Variants in THUMPD1 observed in about 807,000 individuals in gnomAD.
THUMPD1 encodes the protein THUMP domain-containing protein 1.
THUMPD1 carries 31 observed loss-of-function variants against 31.6 expected under a neutral mutation model. The ratio of observed to expected loss-of-function variants is 0.98; its 90% confidence interval spans 0.74 to 1.32. The LOEUF is 1.32. THUMPD1 is among the 40% of genes most tolerant of loss of function. The probability of loss-of-function intolerance (pLI) is 0.00; values close to 1 mark genes in which losing one functional copy is unlikely to be tolerated. For missense variants in THUMPD1, 446 were observed against 427.8 expected (o/e 1.04, Z -0.38); for synonymous variants, 166 against 158.2 (o/e 1.05, Z -0.37).
At chr16:20,739,373 G>A (rs12931448) in intron 1 of THUMPD1, among the ~76,000 whole-genome samples, 6 of 151,744 alleles carry the variant, frequency 4.0e-5, no homozygotes, top group African/African-American at 7.3e-5. Flanking sequence ...ATGGGGTTTC[G>A]CCATGTTGGT....
rs1596494360 is a variant in THUMPD1 at position 20,741,646 on chromosome 16, C to G, written c.94G>C (p.Asp32His). The G allele has an allele frequency of 8.8e-6, 14 of 1,583,092 alleles. No individual in the cohort carries two copies. Among genetic ancestry groups the G allele is most frequent in the South Asian group, 1.2e-5 (1 of 86,792 alleles). Residue 32 changes from aspartate to histidine, a missense_variant, in exon 1 of 4, where the codon GAC becomes CAC. Transcript: ENST00000396083. The stretch of plus-strand genomic sequence containing the variant: ...TCTAGCTGACGGGGCCCGCCAGCGT[C>G]GCAGCGCCGAGCGCGCTTGGCCAGC... ...YVLAKRARRC[D>H]AGGPRQLEPG...
rs1471757368 is a variant in THUMPD1 at position 20,735,081 on chromosome 16, T to C, written c.*1799A>G. On this transcript the variant is annotated 3_prime_UTR_variant, in exon 4 of 4. Coordinates refer to ENST00000396083, the MANE Select transcript of THUMPD1 (RefSeq NM_017736.5). ...TTCCTCTGGCAAGGTGGCAAGTCAGTTTCCTTTTAGATCTAAGAGTCTTGT... is the reference window on the plus strand; with the variant it reads ...TTCCTCTGGCAAGGTGGCAAGTCAGCTTCCTTTTAGATCTAAGAGTCTTGT... 1 of 152,250 alleles carries C rather than the reference T, an allele frequency of 6.6e-6. No individual in the cohort carries two copies. The highest frequency in any genetic ancestry group is 1.5e-5 in the Non-Finnish European group (1 of 68,050). 9.4% of individuals were successfully genotyped at this position (152,250 alleles called of 1,614,324 possible).
rs1235439086 is a variant in THUMPD1, at chr16:20,733,779, C to T, written c.*3101G>A. 1.3e-5 allele frequency: 2 copies of T among 152,024 alleles called. No homozygotes were observed. The highest frequency in any genetic ancestry group is 4.8e-5 in the African/African-American group (2 of 41,392). 9.4% of individuals were successfully genotyped at this position (152,024 alleles called of 1,614,324 possible). A position where few individuals can be genotyped will look rare whatever the true frequency, so the allele number is the denominator to read the frequency against. ...TACAAGTAAAAATAACATTTGAAAA[C>T]CAAGTTTAACCTCAGAGAATCATGT... On this transcript the variant is annotated 3_prime_UTR_variant, in exon 4 of 4. Transcript: ENST00000396083.
chr16:20,734,600 TTAAGGA>T lies in THUMPD1; in HGVS notation c.*2274_*2279del, dbSNP rs2079853600. 1.3e-5 allele frequency: 2 copies of T among 152,142 alleles called. No individual in the cohort carries two copies. The highest frequency in any genetic ancestry group is 4.1e-4 in the South Asian group (2 of 4,832). 9.4% of individuals were successfully genotyped at this position (152,142 alleles called of 1,614,324 possible). A position where few individuals can be genotyped will look rare whatever the true frequency, so the allele number is the denominator to read the frequency against. ...TTAGGATTTCCTAACTTTTTAAAAC[TTAAGGA>T]TAAGTCCATTTCTACAAGCTAATTT... is the stretch of plus-strand genomic sequence containing the variant. On this transcript the variant is annotated 3_prime_UTR_variant, in exon 4 of 4. Transcript: ENST00000396083.
chr16:20,737,100 T>C lies in THUMPD1; in HGVS notation c.842A>G (p.Gln281Arg). The change falls in exon 4 of 4, where the codon CAG (glutamine) becomes CGG (arginine). Residue 281 changes from glutamine (Q) to arginine (R), a missense_variant. Gln to Arg is a conservative substitution (Grantham distance 43). Coordinates refer to ENST00000396083, the MANE Select transcript of THUMPD1 (RefSeq NM_017736.5). ...PKDPSQLNSK[Q>R]GNGKEAKLES... is the part of the protein sequence containing the mutation. The stretch of plus-strand genomic sequence containing the variant: ...CAGTTTAGCTTCTTTCCCATTTCCC[T>C]GCTTTGAGTTAAGCTGTGACGGATC... The C allele has an allele frequency of 6.2e-7, 1 of 1,614,228 alleles. No homozygotes were observed. Among genetic ancestry groups the C allele is most frequent in the Non-Finnish European group, 8.5e-7 (1 of 1,180,032 alleles).
chr16:20,736,955 A>AT lies in THUMPD1; in HGVS notation c.986dup (p.Asn329LysfsTer2). 6.2e-7 allele frequency: 1 copy of AT among 1,613,912 alleles called. No homozygotes were observed. The highest frequency in any genetic ancestry group is 8.5e-7 in the Non-Finnish European group (1 of 1,179,956). ...CAAGTTCAGGTTTGGCTCCTCCCTCATTTACCACCTGTGGATTAGACGTTG... is the reference window on the plus strand; with the variant it reads ...CAAGTTCAGGTTTGGCTCCTCCCTCATTTTACCACCTGTGGATTAGACGTTG... On this transcript the variant is annotated frameshift_variant, in exon 4 of 4. Coordinates refer to ENST00000396083, the MANE Select transcript of THUMPD1 (RefSeq NM_017736.5). LOFTEE classifies it high-confidence loss of function.
chr16:20,738,843 AG>A, intron 2 of THUMPD1, 53 bp downstream of exon 2: 2 of 1,587,038 alleles, frequency 1.3e-6, no homozygotes, highest in East Asian at 4.5e-5. Context: ...TCCCTGAGAC[AG>A]GAAGATACCC....
At chr16:20,739,633 C>G (rs1445440035) in intron 1 of THUMPD1, among the ~76,000 whole-genome samples, 2 of 151,806 alleles carry the variant, frequency 1.3e-5, no homozygotes, top group African/African-American at 4.8e-5. Flanking sequence ...CCAGCCTAGC[C>G]AACATGGTGA....
At chr16:20,739,206 C>T (rs1596492205) in intron 1 of THUMPD1, 135 bp from the exon 2 acceptor site, 4 of 879,868 alleles carry the variant, frequency 4.5e-6, no homozygotes, top group South Asian at 1.8e-5. Context: ...GATGGAGTCT[C>T]GCTTTGCCTC....
At position 20,741,602 on chromosome 16, in the gene THUMPD1, G is replaced by A. The variant is rs747286216; in HGVS notation, c.138C>T (p.Ile46=). The change falls in exon 1 of 4, where the codon ATC becomes ATT. Residue 46 remains isoleucine, a synonymous_variant. Coordinates refer to ENST00000396083, the MANE Select transcript of THUMPD1 (RefSeq NM_017736.5). ...GCTCGTTCATATTGCAGGTGATGAG[G>A]ATGCCCTGTAGCCCGGGCTCTAGCT... ...PRQLEPGLQG[I]LITCNMNERK... 5.7e-6 allele frequency: 9 copies of A among 1,574,784 alleles called. No homozygotes were observed. The South Asian group carries it at 7.0e-5, about 12-fold the overall frequency.
Position 20,737,135 on chromosome 16 carries a change from C to G in THUMPD1, c.807G>C (p.Lys269Asn). 1 of 1,614,162 alleles carries G rather than the reference C, an allele frequency of 6.2e-7. No homozygotes were observed. Among genetic ancestry groups the G allele is most frequent in the South Asian group, 1.1e-5 (1 of 91,084 alleles). The change falls in exon 4 of 4, where the codon AAG becomes AAC. Residue 269 changes from lysine (K) to asparagine (N), a missense_variant. By Grantham distance (94) the Lys-to-Asn change is moderately conservative. Transcript: ENST00000396083. ...TAAGCTGTGACGGATCCTTAGGGCT[C>G]TTCACCACCTCCTGGAGATTGTATT... ...FRKYNLQEVV[K>N]SPKDPSQLNS...
intron 1 of THUMPD1, among the ~76,000 whole-genome samples, chr16:20,740,980 G>A (rs2079913804): frequency 6.6e-6 from 1 of 152,202 alleles, no homozygotes; most frequent in Non-Finnish European, 1.5e-5. Flanking sequence ...TAAGTGGGAG[G>A]TAGGCCGGGC....
Position 20,738,934 on chromosome 16 carries a change from T to G in THUMPD1, c.369A>C (p.Gly123=), listed in dbSNP as rs2079893804. The change falls in exon 2 of 4, where the codon GGA becomes GGC. Residue 123 remains glycine, a synonymous_variant. Coordinates refer to ENST00000396083, the MANE Select transcript of THUMPD1 (RefSeq NM_017736.5). ...RLRRFQSVES[G]ANNVVFIRTL... Reference sequence around the variant, plus strand: ...TCCTGATGAAGACAACGTTATTTGCTCCACTTTCCACTGACTGGAATCTTC... The same window carrying G: ...TCCTGATGAAGACAACGTTATTTGCGCCACTTTCCACTGACTGGAATCTTC... 6.2e-7 allele frequency: 1 copy of G among 1,614,074 alleles called. No individual in the cohort carries two copies. The highest frequency in any genetic ancestry group is 1.3e-5 in the African/African-American group (1 of 74,930).
Position 20,737,141 on chromosome 16 carries a change from C to G in THUMPD1, c.801G>C (p.Val267=), listed in dbSNP as rs1442107408. The stretch of plus-strand genomic sequence containing the variant: ...GTGACGGATCCTTAGGGCTCTTCAC[C>G]ACCTCCTGGAGATTGTATTTTCTAA... The part of the protein sequence containing the change: ...MLFRKYNLQE[V]VKSPKDPSQL... The change falls in exon 4 of 4, where the codon GTG becomes GTC. Residue 267 remains valine (V), a synonymous_variant. Coordinates refer to ENST00000396083, the MANE Select transcript of THUMPD1 (RefSeq NM_017736.5). The G allele has an allele frequency of 6.2e-7, 1 of 1,614,066 alleles. No individual in the cohort carries two copies. The highest frequency in any genetic ancestry group is 1.3e-5 in the African/African-American group (1 of 74,920).
At chr16:20,739,713 C>T (rs2079901075) in intron 1 of THUMPD1, among the ~76,000 whole-genome samples, 1 of 151,478 alleles carries the variant, frequency 6.6e-6, no homozygotes, top group Non-Finnish European at 1.5e-5. Context: ...CCCAGCTACT[C>T]AGGAGGCTGA....
At position 20,738,863 on chromosome 16, in the gene THUMPD1, T is replaced by C. The variant is rs368851677; in HGVS notation, c.406+34A>G. 6.9e-6 allele frequency: 11 copies of C among 1,597,786 alleles called. No homozygotes were observed. The African/African-American group carries it at 9.4e-5, about 14-fold the overall frequency. On this transcript the variant is annotated intron_variant, in intron 2 of 3. Transcript: ENST00000396083. ...GAGACAGGAAGATACCCAGATGTTA[T>C]GAGATCGATAATCTTAGCAAGTATT...
chr16:20,740,823 G>A (rs983889555), intron 1 of THUMPD1, among the ~76,000 whole-genome samples: 10 of 152,198 alleles, frequency 6.6e-5, no homozygotes, highest in African/African-American at 2.4e-4. Context: ...TTTAAGTGCA[G>A]TAACTAGCAT....
chr16:20,737,319 G>A (rs372213587), intron 3 of THUMPD1, 33 bp from the exon 4 acceptor site: 2 of 1,571,382 alleles, frequency 1.3e-6, no homozygotes, highest in African/African-American at 2.7e-5. Flanking sequence ...CATAGCTGAG[G>A]AGGATACCAT....
At chr16:20,740,221 C>T (rs1021095757) in intron 1 of THUMPD1, among the ~76,000 whole-genome samples, 1 of 152,132 alleles carries the variant, frequency 6.6e-6, no homozygotes, top group Non-Finnish European at 1.5e-5. Flanking sequence ...GGCCTGAGAA[C>T]CCGTCTCTAC....
Sources: gnomAD v4.1 joint callset for allele counts (sites outside exome capture counted in the v4.1 genomes callset) on GRCh38, gnomAD v4.1.1 for gene constraint, MANE v1.5 for transcripts, NCBI Gene and HGNC (gene_info 2026-07-23, HGNC 2026-07-21) for gene names.